The following CNBD1 variants were observed in gnomAD, a reference collection of about 807,000 sequenced individuals.
The protein encoded by CNBD1 is cyclic nucleotide-binding domain-containing protein 1.
A neutral mutation model predicts 54.4 loss-of-function variants in CNBD1; 71 were observed. That is an observed-to-expected ratio of 1.30 (90% CI 1.08 to 1.59). The LOEUF is 1.59. Ranked by LOEUF, CNBD1 falls within the 40% of genes most tolerant of loss-of-function variation. CNBD1 has a pLI of 0.00. For synonymous variants in CNBD1, 182 were observed against 170.7 expected, an observed-to-expected ratio of 1.07 and a Z score of -0.51; for missense variants, 659 against 518.0, an observed-to-expected ratio of 1.27 and a Z score of -2.64.
chr8:87,255,239 T>C (rs28641707), intron 6 of CNBD1, among the ~76,000 whole-genome samples: 55,840 of 151,910 alleles, frequency 0.37, 11,465 homozygotes, highest in Non-Finnish European at 0.47. Context: ...CAAGGGACAA[T>C]TGGTGTTCAG....
chr8:87,198,946 C>A (rs1381768093), intron 4 of CNBD1, among the ~76,000 whole-genome samples: 1 of 152,160 alleles, frequency 6.6e-6, no homozygotes, highest in Non-Finnish European at 1.5e-5. Flanking sequence ...AGGAAGGTTA[C>A]AATCATCTTG....
intron 10 of CNBD1, among the ~76,000 whole-genome samples, chr8:87,357,640 C>T (rs538375118): frequency 2.5e-4 from 38 of 152,092 alleles, no homozygotes; most frequent in Non-Finnish European, 5.0e-4. Context: ...GTCTTACAGG[C>T]TCATAGGTGG....
intron 4 of CNBD1, among the ~76,000 whole-genome samples, chr8:87,121,872 A>T (rs1811897133): frequency 6.6e-6 from 1 of 151,598 alleles, no homozygotes; most frequent in South Asian, 2.1e-4. Context: ...AAGGCTGTAT[A>T]GTATTGTGTG....
intron 8 of CNBD1, among the ~76,000 whole-genome samples, chr8:87,330,359 C>A (rs769476308): frequency 6.6e-6 from 1 of 150,858 alleles, no homozygotes; most frequent in Non-Finnish European, 1.5e-5. Flanking sequence ...TTTTGGCTCT[C>A]ATTTTTACTA....
intron 5 of CNBD1, among the ~76,000 whole-genome samples, chr8:87,211,572 G>C (rs1473466213): frequency 1.3e-5 from 2 of 152,154 alleles, no homozygotes; most frequent in African/African-American, 4.8e-5. Flanking sequence ...TAGTGAGTGA[G>C]TTCTCACAAG....
intron 4 of CNBD1, among the ~76,000 whole-genome samples, chr8:87,037,587 A>G (rs1166908779): frequency 6.6e-6 from 1 of 151,746 alleles, no homozygotes; most frequent in African/African-American, 2.4e-5. Context: ...TTGTCTTCCA[A>G]CTCTTCTACT....
chr8:87,227,224 C>T (rs1406397147), intron 5 of CNBD1, among the ~76,000 whole-genome samples: 378 of 151,434 alleles, frequency 2.5e-3, no homozygotes, highest in African/African-American at 8.7e-3. Flanking sequence ...TTAATTGGAG[C>T]ATTTAGTCCA....
At chr8:86,894,206 C>T (rs10103812) in intron 2 of CNBD1, among the ~76,000 whole-genome samples, 14 of 149,092 alleles carry the variant, frequency 9.4e-5, no homozygotes, top group African/African-American at 2.7e-4. Context: ...GGACTACAGG[C>T]GCCCGCCACC....
intron 10 of CNBD1, 53 bp from the exon 11 acceptor site, chr8:87,382,567 C>T: frequency 6.8e-7 from 1 of 1,460,630 alleles, no homozygotes; most frequent in South Asian, 1.2e-5. Flanking sequence ...AAATAATTAC[C>T]AAAAATGAGT....
rs562202731 is a variant in CNBD1, at chr8:87,273,909, C to T, written c.772-10769C>T. Among the ~76,000 whole-genome samples, 444 of 148,992 alleles carry T rather than the reference C, an allele frequency of 3.0e-3. 6 individuals carry two copies. The highest frequency in any genetic ancestry group is 0.019 in the South Asian group (88 of 4,538). On this transcript the variant is annotated intron_variant, in intron 6 of 10. Coordinates refer to ENST00000518476, the MANE Select transcript of CNBD1 (RefSeq NM_173538.3). ...CTAGCATTAGGTATATCTCCCAATG[C>T]TATCCCTCACCCCTCCCCCCACCCC...
At chr8:87,085,105 A>G (rs1811071351) in intron 4 of CNBD1, among the ~76,000 whole-genome samples, 1 of 152,068 alleles carries the variant, frequency 6.6e-6, no homozygotes, top group Non-Finnish European at 1.5e-5. Context: ...CTTCTGCCCC[A>G]TTCTCTTTCT....
rs796403358 is a variant in CNBD1, at chr8:87,397,862, G to A, written c.214-30684G>A. ...CATGTTGTTCTCATGATAGTGAATG[G>A]GTCTCACAGATGTGATGGTTTCAAA... On this transcript the variant is annotated intron_variant, in intron 2 of 7. Transcript: ENST00000521593. Among the ~76,000 whole-genome samples the A allele has an allele frequency of 2.0e-5, 3 of 152,012 alleles. No homozygotes were observed. In the East Asian group the frequency reaches 5.8e-4, roughly 30 times the overall value.
At chr8:87,391,280 G>T (rs1037826201) in intron 2 of CNBD1, among the ~76,000 whole-genome samples, 1 of 151,866 alleles carries the variant, frequency 6.6e-6, no homozygotes, top group Non-Finnish European at 1.5e-5. Flanking sequence ...GATAACGATT[G>T]CAGATACCTC....
At chr8:87,037,574 G>A (rs68136673) in intron 4 of CNBD1, among the ~76,000 whole-genome samples, 42,688 of 151,724 alleles carry the variant, frequency 0.28, 6,377 homozygotes, top group Admixed American at 0.39. Flanking sequence ...AATTTTTTCA[G>A]CTTTGTCTTC....
At chr8:87,136,188 TG>T (rs1472776669) in intron 4 of CNBD1, among the ~76,000 whole-genome samples, 1 of 152,016 alleles carries the variant, frequency 6.6e-6, no homozygotes, top group Non-Finnish European at 1.5e-5. Flanking sequence ...AGGGAATACT[TG>T]ATTCTTACTG....
intron 8 of CNBD1, among the ~76,000 whole-genome samples, chr8:87,338,807 C>A (rs1427385326): frequency 6.6e-6 from 1 of 151,836 alleles, no homozygotes; most frequent in Admixed American, 6.6e-5. Context: ...TGTAATTTTT[C>A]TTTGTAGCCT....
At chr8:86,923,605 G>A (rs1026141384) in intron 3 of CNBD1, among the ~76,000 whole-genome samples, 2 of 152,148 alleles carry the variant, frequency 1.3e-5, no homozygotes, top group African/African-American at 4.8e-5. Flanking sequence ...CTTTTAAGAA[G>A]TCAGCACAAA....
chr8:86,891,144 A>G (rs1322550782), intron 2 of CNBD1, among the ~76,000 whole-genome samples: 1 of 151,944 alleles, frequency 6.6e-6, no homozygotes, highest in East Asian at 1.9e-4. Context: ...CTTTCAGGTC[A>G]TACTCAAAAA....
At chr8:87,418,262 C>T (rs895092846) in intron 2 of CNBD1, among the ~76,000 whole-genome samples, 1 of 151,884 alleles carries the variant, frequency 6.6e-6, no homozygotes, top group African/African-American at 2.4e-5. Flanking sequence ...TGATTTTCAA[C>T]AAGAACACCA....
Sources: allele counts gnomAD v4.1 joint callset (sites outside exome capture counted in the v4.1 genomes callset), GRCh38; gene constraint gnomAD v4.1.1; transcripts MANE v1.5; gene names NCBI Gene and HGNC (gene_info 2026-07-23, HGNC 2026-07-21).